LY75: variants seen among roughly 807,000 people sequenced by gnomAD.
LY75 encodes lymphocyte antigen 75.
A neutral mutation model predicts 231.7 loss-of-function variants in LY75; 185 were observed. The observed-to-expected ratio is 0.80, with a 90% confidence interval of 0.71 to 0.90. The LOEUF is 0.90. Ranked by LOEUF, LY75 falls within the 40% of genes least tolerant of loss-of-function variation. The pLI, the probability that LY75 is intolerant of heterozygous loss-of-function variation, is 0.00. For synonymous variants in LY75, 668 were observed against 689.0 expected, an observed-to-expected ratio of 0.97 and a Z score of 0.48; for missense variants, 1,947 against 2,050.2, an observed-to-expected ratio of 0.95 and a Z score of 0.97.
chr2:159,842,415 A>G, intron 23 of LY75, 41 bp from the exon 24 acceptor site: 3 of 1,581,354 alleles, frequency 1.9e-6, no homozygotes, highest in Non-Finnish European at 2.6e-6. Context: ...TCATGTAACA[A>G]TGGTCTGAAG....
chr2:159,895,046 G>A (rs1254831489), intron 2 of LY75, among the ~76,000 whole-genome samples: 2 of 152,108 alleles, frequency 1.3e-5, no homozygotes, highest in Non-Finnish European at 2.9e-5. Context: ...TCTTATCACC[G>A]TTTACCAGGC....
chr2:159,820,243 C>T (rs190351062), intron 28 of LY75, among the ~76,000 whole-genome samples: 88 of 152,234 alleles, frequency 5.8e-4, no homozygotes, highest in African/African-American at 2.0e-3. Context: ...TTTATAGCAG[C>T]ACAATTCACA....
rs1171898101 is a variant in LY75, at chr2:159,840,833, T to C, written c.3403A>G (p.Asn1135Asp). 2 of 1,614,122 alleles carry C rather than the reference T, an allele frequency of 1.2e-6. No individual in the cohort carries two copies. Among genetic ancestry groups the C allele is most frequent in the Non-Finnish European group, 1.7e-6 (2 of 1,179,992 alleles). ...HSAKRECLKS[N>D]MQLVSITDPY... Reference sequence around the variant, plus strand: ...TCCGTGATGCTCACCAGCTGCATGTTACTTTTCAGACACTCCCTTTTAGCA... The same window carrying C: ...TCCGTGATGCTCACCAGCTGCATGTCACTTTTCAGACACTCCCTTTTAGCA... Residue 1135 changes from asparagine (N) to aspartate (D), a missense_variant, in exon 25 of 35, where the codon AAC (asparagine) becomes GAC (aspartate). Transcript: ENST00000263636.
intron 1 of LY75, among the ~76,000 whole-genome samples, chr2:159,901,346 A>G (rs1686072856): frequency 6.6e-6 from 1 of 152,190 alleles, no homozygotes; most frequent in Non-Finnish European, 1.5e-5. Context: ...TCCAAAATAA[A>G]TCTTGCATTC....
At chr2:159,818,161 G>A (rs1242040286) in intron 29 of LY75, among the ~76,000 whole-genome samples, 1 of 152,172 alleles carries the variant, frequency 6.6e-6, no homozygotes, top group Non-Finnish European at 1.5e-5. Flanking sequence ...TCCCCTCATA[G>A]GAAGGTGGAG....
intron 28 of LY75, among the ~76,000 whole-genome samples, chr2:159,826,746 T>C (rs1683482634): frequency 6.6e-6 from 1 of 152,178 alleles, no homozygotes; most frequent in African/African-American, 2.4e-5. Context: ...ATGGTACTGG[T>C]ACCAAAACAG....
In LY75 at chr2:159,834,055, C is replaced by T. The variant is rs1683745238; in HGVS notation, c.3830G>A (p.Cys1277Tyr). ...AATATAATACTTACTCAGTTTCTGG[C>T]ATTTAGTATGAACTTCATCCTGTGT... ...ATTQDEVHTK[C>Y]QKLNPKSHIL... The change falls in exon 27 of 35, where the codon TGC becomes TAC. Residue 1277 changes from cysteine (C) to tyrosine (Y), a missense_variant. Coordinates refer to ENST00000263636, the MANE Select transcript of LY75 (RefSeq NM_002349.4). 6.2e-7 allele frequency: 1 copy of T among 1,613,430 alleles called. No individual in the cohort carries two copies. Among genetic ancestry groups the T allele is most frequent in the Non-Finnish European group, 8.5e-7 (1 of 1,179,750 alleles).
intron 9 of LY75, among the ~76,000 whole-genome samples, chr2:159,879,000 T>A (rs992928405): frequency 6.6e-6 from 1 of 152,132 alleles, no homozygotes; most frequent in Non-Finnish European, 1.5e-5. Context: ...TTTTGAATAT[T>A]GATATTAGTG....
At chr2:159,805,930 G>T (rs1682779972) in intron 34 of LY75, among the ~76,000 whole-genome samples, 1 of 152,046 alleles carries the variant, frequency 6.6e-6, no homozygotes, top group African/African-American at 2.4e-5. Flanking sequence ...TGTATGTCTA[G>T]CACCTGCCTA....
intron 8 of LY75, 105 bp downstream of exon 8, chr2:159,880,978 C>T: frequency 1.4e-6 from 2 of 1,401,670 alleles, no homozygotes; most frequent in Non-Finnish European, 9.6e-7. Flanking sequence ...AGTGCTCTTA[C>T]CTTTTATTTT....
chr2:159,885,359 A>G, intron 5 of LY75, 66 bp from the exon 6 acceptor site: 2 of 1,541,408 alleles, frequency 1.3e-6, no homozygotes, highest in South Asian at 1.3e-5. Flanking sequence ...TGTCAGAAAG[A>G]ATAATTTGTA....
At chr2:159,827,178 C>A (rs936993699) in intron 28 of LY75, among the ~76,000 whole-genome samples, 1 of 152,210 alleles carries the variant, frequency 6.6e-6, no homozygotes, top group Middle Eastern at 3.4e-3. Context: ...AGGCAACATA[C>A]AAAATGAGAG....
intron 34 of LY75, 125 bp downstream of exon 34, chr2:159,806,848 A>G (rs1186723772): frequency 8.7e-7 from 1 of 1,153,234 alleles, no homozygotes; most frequent in Non-Finnish European, 1.2e-6. Context: ...TAATCAAGAT[A>G]GTTGGATATA....
At chr2:159,838,605 G>T (rs1683906478) in intron 25 of LY75, among the ~76,000 whole-genome samples, 1 of 152,050 alleles carries the variant, frequency 6.6e-6, no homozygotes, top group African/African-American at 2.4e-5. Context: ...AAGATTTAGG[G>T]TGACTGAAAC....
At chr2:159,849,634 C>A (rs1684320989) in intron 23 of LY75, among the ~76,000 whole-genome samples, 1 of 152,200 alleles carries the variant, frequency 6.6e-6, no homozygotes, top group South Asian at 2.1e-4. Flanking sequence ...GTTCTTGCAA[C>A]AGCTTTACTG....
At chr2:159,822,159 G>A (rs1683315069) in intron 28 of LY75, among the ~76,000 whole-genome samples, 1 of 152,182 alleles carries the variant, frequency 6.6e-6, no homozygotes, top group South Asian at 2.1e-4. Flanking sequence ...ATACCCAAGT[G>A]GTGCCTGGAA....
intron 21 of LY75, 124 bp downstream of exon 21, chr2:159,852,077 G>T: frequency 7.4e-7 from 1 of 1,360,248 alleles, no homozygotes. Flanking sequence ...GGGCCAGGTG[G>T]GATCCTGAAA....
chr2:159,857,330 A>G (rs1179653350), intron 16 of LY75, among the ~76,000 whole-genome samples: 1 of 152,162 alleles, frequency 6.6e-6, no homozygotes, highest in Non-Finnish European at 1.5e-5. Flanking sequence ...TTCTTTGAGA[A>G]CTTGTAGGAG....
chr2:159,894,538 T>G (rs557010230), intron 2 of LY75, among the ~76,000 whole-genome samples: 3 of 152,338 alleles, frequency 2.0e-5, no homozygotes, highest in East Asian at 1.9e-4. Flanking sequence ...TTGGAACCAC[T>G]GAGGGTGGGT....
Sources: allele counts gnomAD v4.1 joint callset (sites outside exome capture counted in the v4.1 genomes callset), GRCh38; gene constraint gnomAD v4.1.1; transcripts MANE v1.5; gene names NCBI Gene and HGNC (gene_info 2026-07-23, HGNC 2026-07-21).